PRKAG2: variants seen among roughly 807,000 people sequenced by gnomAD.
PRKAG2 encodes 5'-AMP-activated protein kinase subunit gamma-2.
Under a neutral mutation model 69.6 loss-of-function variants are expected in PRKAG2, and 26 were observed. That is an observed-to-expected ratio of 0.37 (90% CI 0.27 to 0.52). The LOEUF (loss-of-function observed/expected upper bound fraction) is 0.52. Among genes scored for constraint, PRKAG2 ranks in the 20% least tolerant of loss-of-function variants. PRKAG2 has a pLI of 0.90. For synonymous variants in PRKAG2, 293 were observed against 285.0 expected (o/e 1.03, Z -0.28); for missense variants, 557 against 740.0 (o/e 0.75, Z 2.87).
At chr7:151,573,631 C>T (rs1808220320) in intron 8 of PRKAG2, among the ~76,000 whole-genome samples, 1 of 152,110 alleles carries the variant, frequency 6.6e-6, no homozygotes, top group Non-Finnish European at 1.5e-5. Context: ...CACACTCATG[C>T]TGATTTTGCT....
intron 3 of PRKAG2, among the ~76,000 whole-genome samples, chr7:151,685,305 CCCA>C (rs1031807769): frequency 2.0e-5 from 3 of 152,166 alleles, no homozygotes; most frequent in African/African-American, 7.2e-5. Flanking sequence ...TCAGGGCCAC[CCCA>C]CCAACACCCC....
intron 3 of PRKAG2, among the ~76,000 whole-genome samples, chr7:151,686,698 A>G (rs1379759555): frequency 6.6e-6 from 1 of 152,152 alleles, no homozygotes; most frequent in Non-Finnish European, 1.5e-5. Context: ...CTCTCTCAGC[A>G]GGAGTTTCTG....
Position 151,614,985 on chromosome 7 carries a change from A to G in PRKAG2, c.754+17084T>C, listed in dbSNP as rs1819736891. 6.6e-6 allele frequency among the ~76,000 whole-genome samples: 1 copy of G among 152,148 alleles called. No homozygotes were observed. The highest frequency in any genetic ancestry group is 1.5e-5 in the Non-Finnish European group (1 of 68,032). On this transcript the variant is annotated intron_variant, in intron 5 of 15. Coordinates refer to ENST00000287878, the MANE Select transcript of PRKAG2 (RefSeq NM_016203.4). This position sits in a 1 kb window ranked among gnomAD's most constrained non-coding sequence, Gnocchi z 4.4. ...CCGTATGGATCCAGAGGGAACCTCGAGAGAGGAGCCGTGTGGATCCAGAGG... is the reference window on the plus strand; with the variant it reads ...CCGTATGGATCCAGAGGGAACCTCGGGAGAGGAGCCGTGTGGATCCAGAGG...
At chr7:151,826,308 G>T (rs1436844167) in intron 1 of PRKAG2, among the ~76,000 whole-genome samples, 1 of 152,028 alleles carries the variant, frequency 6.6e-6, no homozygotes, top group African/African-American at 2.4e-5. Context: ...AGCCTCCCGA[G>T]TAGCTGGGAT....
intron 10 of PRKAG2, 108 bp from the exon 11 acceptor site, chr7:151,568,950 A>G: frequency 1.5e-6 from 2 of 1,308,168 alleles, no homozygotes; most frequent in Non-Finnish European, 1.1e-6. Flanking sequence ...TTGCAATAAT[A>G]ACAGTGTTTT....
intron 5 of PRKAG2, among the ~76,000 whole-genome samples, chr7:151,604,429 G>A (rs1444140249): frequency 6.6e-6 from 1 of 152,194 alleles, no homozygotes; most frequent in African/African-American, 2.4e-5. Context: ...TGGAGGCTAG[G>A]AGTTTGAGAC....
intron 1 of PRKAG2, among the ~76,000 whole-genome samples, chr7:151,813,249 C>T (rs2078513415): frequency 6.6e-6 from 1 of 152,168 alleles, no homozygotes; most frequent in African/African-American, 2.4e-5. Flanking sequence ...TCCCCATCTT[C>T]CAACACCTAC....
At chr7:151,592,119 G>T (rs924326285) in intron 6 of PRKAG2, among the ~76,000 whole-genome samples, 12 of 136,212 alleles carry the variant, frequency 8.8e-5, no homozygotes, top group African/African-American at 3.3e-4. Context: ...TGACACCGGT[G>T]CCTCCCCTAC....
At chr7:151,587,205 A>C (rs1045660475) in intron 6 of PRKAG2, among the ~76,000 whole-genome samples, 10 of 152,328 alleles carry the variant, frequency 6.6e-5, no homozygotes, top group African/African-American at 2.2e-4. Context: ...TTTTGTTGGC[A>C]TTATTCAAAA....
intron 3 of PRKAG2, among the ~76,000 whole-genome samples, chr7:151,751,054 A>G (rs1440735145): frequency 1.3e-5 from 2 of 151,264 alleles, no homozygotes; most frequent in African/African-American, 4.9e-5. Context: ...ATGTCTTTTG[A>G]GGATTGCCTA....
At chr7:151,631,784 G>A (rs1824498177) in intron 5 of PRKAG2, 2 of 481,632 alleles carry the variant, frequency 4.2e-6, no homozygotes, top group Non-Finnish European at 4.1e-6. Context: ...ATTCGAGTTC[G>A]GCGAGTAAGG....
chr7:151,590,522 G>A (rs932672997), intron 6 of PRKAG2, among the ~76,000 whole-genome samples: 4 of 152,168 alleles, frequency 2.6e-5, no homozygotes, highest in East Asian at 3.9e-4. Context: ...GAGTTCCTCC[G>A]AGCCTCCCAT....
chr7:151,738,556 G>A (rs997728055), intron 3 of PRKAG2, among the ~76,000 whole-genome samples: 37 of 152,284 alleles, frequency 2.4e-4, no homozygotes, highest in Non-Finnish European at 4.0e-4. Flanking sequence ...TGCCCAGGGC[G>A]GAAAACCGCT....
At chr7:151,790,005 C>T (rs1290997979) in intron 1 of PRKAG2, among the ~76,000 whole-genome samples, 1 of 152,204 alleles carries the variant, frequency 6.6e-6, no homozygotes, top group Non-Finnish European at 1.5e-5. Context: ...CATCCATGGA[C>T]ATCCCACCTG....
At chr7:151,596,412 A>G (rs1212822047) in intron 5 of PRKAG2, among the ~76,000 whole-genome samples, 1 of 152,226 alleles carries the variant, frequency 6.6e-6, no homozygotes, top group African/African-American at 2.4e-5. Context: ...TTAACTCAGG[A>G]GGTGAAAGAC....
At position 151,572,514 on chromosome 7, in the gene PRKAG2, A is replaced by G; in HGVS notation, c.1051+150T>C. On this transcript the variant is annotated intron_variant, in intron 9 of 15. Transcript: ENST00000287878. ...TATTGTTCAGCTTTAGTACAGTAGC[A>G]TACTATCAAAATTAACAGAAATAAA... 7.9e-6 allele frequency: 5 copies of G among 636,488 alleles called. No individual in the cohort carries two copies. In the South Asian group the frequency reaches 9.7e-5, roughly 12 times the overall value. 39.4% of individuals were successfully genotyped at this position (636,488 alleles called of 1,614,324 possible). A position where few individuals can be genotyped will look rare whatever the true frequency, so the allele number is the denominator to read the frequency against.
chr7:151,637,653 T>A (rs1825958603), intron 4 of PRKAG2, among the ~76,000 whole-genome samples: 1 of 152,164 alleles, frequency 6.6e-6, no homozygotes, highest in Non-Finnish European at 1.5e-5. Context: ...AGAAATCTTA[T>A]GTTTTCTTCC....
chr7:151,567,896 T>C lies in PRKAG2; in HGVS notation c.1233+820A>G, dbSNP rs933432487. On this transcript the variant is annotated intron_variant, in intron 11 of 15. Coordinates refer to ENST00000287878, the MANE Select transcript of PRKAG2 (RefSeq NM_016203.4). This position sits in a 1 kb window ranked among gnomAD's most constrained non-coding sequence, Gnocchi z 4.2. ...CGGAACGCTATGTTAGGTCCTTAGG[T>C]GAAGCCATGGGGAGGAAAATGGGAA... 1.3e-5 allele frequency among the ~76,000 whole-genome samples: 2 copies of C among 152,160 alleles called. No homozygotes were observed. Among genetic ancestry groups the C allele is most frequent in the African/African-American group, 4.8e-5 (2 of 41,436 alleles).
intron 3 of PRKAG2, among the ~76,000 whole-genome samples, chr7:151,715,204 C>T (rs572272570): frequency 6.8e-5 from 10 of 147,902 alleles, no homozygotes; most frequent in Middle Eastern, 3.4e-3. Flanking sequence ...TTAGTAGAGA[C>T]GGGGTTTCGC....
Sources: gnomAD v4.1 joint callset for allele counts (sites outside exome capture counted in the v4.1 genomes callset) on GRCh38, gnomAD v4.1.1 for gene constraint, Gnocchi (gnomAD v3.1) non-coding constraint, MANE v1.5 for transcripts, NCBI Gene and HGNC (gene_info 2026-07-23, HGNC 2026-07-21) for gene names.